Variants in AP4E1 observed in about 807,000 individuals in gnomAD.
The protein encoded by AP4E1 is AP-4 complex subunit epsilon-1.
Under a neutral mutation model 128.2 loss-of-function variants are expected in AP4E1, and 56 were observed. That is an observed-to-expected ratio of 0.44 (90% CI 0.35 to 0.55). The LOEUF (loss-of-function observed/expected upper bound fraction) is 0.55, where lower values mean the gene tolerates loss of function less well. AP4E1 is among the 20% of genes least tolerant of loss of function. The pLI is 0.00. For synonymous variants in AP4E1, 484 were observed against 473.1 expected (o/e 1.02, Z -0.30); for missense variants, 1,324 against 1,307.7 (o/e 1.01, Z -0.19).
At chr15:51,001,861 G>T (rs550123319) in intron 20 of AP4E1, among the ~76,000 whole-genome samples, 2 of 152,088 alleles carry the variant, frequency 1.3e-5, no homozygotes, top group East Asian at 3.9e-4. Context: ...GGAATTGGTG[G>T]ATTATATGAT....
At chr15:50,920,994 G>A (rs1423862575) in intron 3 of AP4E1, among the ~76,000 whole-genome samples, 1 of 151,588 alleles carries the variant, frequency 6.6e-6, no homozygotes. Flanking sequence ...GTAGAAACAG[G>A]GTTTTGCCAT....
At position 50,999,121 on chromosome 15, in the gene AP4E1, C is replaced by A. The variant is rs2064921960; in HGVS notation, c.2954C>A (p.Thr985Asn). 1 of 1,613,960 alleles carries A rather than the reference C, an allele frequency of 6.2e-7. No individual in the cohort carries two copies. Among genetic ancestry groups the A allele is most frequent in the East Asian group, 2.2e-5 (1 of 44,856 alleles). Reference protein sequence around the residue: ...CCLPVMEAESTKSFQYSVQIE... With the variant: ...CCLPVMEAESNKSFQYSVQIE... Reference sequence around the variant, plus strand: ...TTGCCTGTAATGGAAGCAGAAAGCACCAAAAGCTTTCAATATAGTGTGCAG... The same window carrying A: ...TTGCCTGTAATGGAAGCAGAAAGCAACAAAAGCTTTCAATATAGTGTGCAG... Residue 985 changes from threonine (T) to asparagine (N), a missense_variant, in exon 19 of 21, where the codon ACC (threonine) becomes AAC (asparagine). By Grantham distance (65) the Thr-to-Asn change is moderately conservative (BLOSUM62 0). Transcript: ENST00000261842.
At chr15:50,911,982 TA>T (rs1424921281) in intron 1 of AP4E1, 95 bp from the exon 2 acceptor site, 1 of 962,062 alleles carries the variant, frequency 1.0e-6, no homozygotes, top group Non-Finnish European at 1.6e-6. Flanking sequence ...TCTTTTAAAT[TA>T]AAAGTATTGT....
chr15:50,908,708 G>A lies in AP4E1; in HGVS notation c.-71G>A. On this transcript the variant is annotated 5_prime_UTR_variant, in exon 1 of 21. Coordinates refer to ENST00000261842, the MANE Select transcript of AP4E1 (RefSeq NM_007347.5). ...AGTGCCTACGGAGGCCGGGCCGGCA[G>A]CGGCGGCCGGGCATGAAGCCGGGCG... The A allele has an allele frequency of 2.9e-6, 4 of 1,397,242 alleles. No homozygotes were observed. The highest frequency in any genetic ancestry group is 1.7e-5 in the South Asian group (1 of 59,790). The allele number at this position is 1,397,242 out of a possible 1,614,324, so 86.6% of individuals were successfully genotyped here. A position where few individuals can be genotyped will look rare whatever the true frequency, so the allele number is the denominator to read the frequency against.
Position 50,993,405 on chromosome 15 carries a change from T to C in AP4E1, c.2126T>C (p.Leu709Ser). The change falls in exon 17 of 21, where the codon TTG becomes TCG. Residue 709 changes from leucine to serine, a missense_variant. Coordinates refer to ENST00000261842, the MANE Select transcript of AP4E1 (RefSeq NM_007347.5). ...TTGAAGCTGGAAGGTATAAAGAAAT[T>C]GTGGGGGAAAGAAGGCTATCTTCCC... The part of the protein sequence containing the change: ...NSLKLEGIKK[L>S]WGKEGYLPKK... 1 of 1,613,908 alleles carries C rather than the reference T, an allele frequency of 6.2e-7. No homozygotes were observed. Among genetic ancestry groups the C allele is most frequent in the East Asian group, 2.2e-5 (1 of 44,826 alleles).
At chr15:50,951,845 G>T (rs1018272219) in intron 13 of AP4E1, among the ~76,000 whole-genome samples, 19 of 150,534 alleles carry the variant, frequency 1.3e-4, no homozygotes, top group Non-Finnish European at 2.9e-5. Context: ...TCCTGTCTTG[G>T]CATCCCGAGT....
chr15:50,952,238 C>T (rs145296063), intron 13 of AP4E1, among the ~76,000 whole-genome samples: 1,840 of 151,774 alleles, frequency 0.012, 29 homozygotes, highest in African/African-American at 0.04. Context: ...ACACTGGGCG[C>T]GGTGGCTCAT....
intron 8 of AP4E1, among the ~76,000 whole-genome samples, chr15:50,940,889 A>T (rs2063976734): frequency 6.6e-6 from 1 of 152,184 alleles, no homozygotes; most frequent in Non-Finnish European, 1.5e-5. Context: ...TAGTTTGAAG[A>T]TTTATGAGTA....
At chr15:50,938,708 T>C (rs2063942853) in intron 8 of AP4E1, among the ~76,000 whole-genome samples, 1 of 152,092 alleles carries the variant, frequency 6.6e-6, no homozygotes, top group Non-Finnish European at 1.5e-5. Flanking sequence ...TCAGCGATAA[T>C]GAGGCCACTC....
rs779139742 is a variant in AP4E1, at chr15:50,941,540, C to G, written c.1042C>G (p.Pro348Ala). The G allele has an allele frequency of 6.2e-7, 1 of 1,612,796 alleles. No individual in the cohort carries two copies. Among genetic ancestry groups the G allele is most frequent in the Non-Finnish European group, 8.5e-7 (1 of 1,179,488 alleles). Reference sequence around the variant, plus strand: ...GTGCATTGGAAAATTTGTTCTGTCACCTAAAATAAATCTAAAATATTTAGG... The same window carrying G: ...GTGCATTGGAAAATTTGTTCTGTCAGCTAAAATAAATCTAAAATATTTAGG... ...AKCIGKFVLS[P>A]KINLKYLGLK... Residue 348 changes from proline to alanine, a missense_variant, in exon 9 of 21, where the codon CCT (proline) becomes GCT (alanine). Transcript: ENST00000261842.
chr15:50,932,269 G>T (rs578072365), intron 7 of AP4E1, among the ~76,000 whole-genome samples: 3 of 152,010 alleles, frequency 2.0e-5, no homozygotes, highest in African/African-American at 7.2e-5. Context: ...GTGAGCCACC[G>T]CCCCGGCCTC....
At chr15:50,922,933 A>G (rs1034357954) in intron 3 of AP4E1, among the ~76,000 whole-genome samples, 6 of 152,022 alleles carry the variant, frequency 3.9e-5, no homozygotes, top group Admixed American at 2.0e-4. Flanking sequence ...GCCCGCCACC[A>G]CGCCTGGCTA....
intron 15 of AP4E1, among the ~76,000 whole-genome samples, chr15:50,979,763 G>A (rs962262136): frequency 1.3e-5 from 2 of 152,052 alleles, no homozygotes; most frequent in African/African-American, 4.8e-5. Context: ...GACCTCAAAT[G>A]ATCTGCCCAC....
rs1050712737 is a variant in AP4E1, at chr15:51,000,067, G to A, written c.3095+805G>A. Among the ~76,000 whole-genome samples the A allele has an allele frequency of 1.1e-4, 16 of 151,000 alleles. No homozygotes were observed. In the South Asian group the frequency reaches 3.1e-3, roughly 30 times the overall value. On this transcript the variant is annotated intron_variant, in intron 19 of 20. Coordinates refer to ENST00000261842, the MANE Select transcript of AP4E1 (RefSeq NM_007347.5). ...TGAACCCAGAATGCAGAATACCGAT[G>A]AATATCTCTATATATTTTTTTAACC... is the stretch of plus-strand genomic sequence containing the variant.
In AP4E1 at chr15:50,948,107, G is replaced by A. The variant is rs184772079; in HGVS notation, c.1264G>A (p.Glu422Lys). 1.9e-6 allele frequency: 3 copies of A among 1,613,962 alleles called. No homozygotes were observed. The East Asian group carries it at 6.7e-5, about 36-fold the overall frequency. Residue 422 changes from glutamate (E) to lysine (K), a missense_variant, in exon 11 of 21, where the codon GAA (glutamate) becomes AAA (lysine). Glu to Lys is a moderately conservative substitution (Grantham distance 56). Transcript: ENST00000261842. ...GCTTGAATATTTACATCAGAGCAAA[G>A]AAGAGTATGTCATCGTCAATTTGGT... ...KMLEYLHQSK[E>K]EYVIVNLVGK...
At chr15:50,924,696 T>C (rs778562759) in intron 4 of AP4E1, among the ~76,000 whole-genome samples, 1 of 152,226 alleles carries the variant, frequency 6.6e-6, no homozygotes, top group Non-Finnish European at 1.5e-5. Context: ...GATAAGTACA[T>C]ATGAATGTGT....
chr15:50,948,100 G>C lies in AP4E1; in HGVS notation c.1257G>C (p.Gln419His). 1 of 1,613,840 alleles carries C rather than the reference G, an allele frequency of 6.2e-7. No individual in the cohort carries two copies. The change falls in exon 11 of 21, where the codon CAG becomes CAC. Residue 419 changes from glutamine to histidine, a missense_variant. Gln to His is a conservative substitution (Grantham distance 24). Transcript: ENST00000261842. ...IVQKMLEYLH[Q>H]SKEEYVIVNL... Reference sequence around the variant, plus strand: ...AGAAAATGCTTGAATATTTACATCAGAGCAAAGAAGAGTATGTCATCGTCA... The same window carrying C: ...AGAAAATGCTTGAATATTTACATCACAGCAAAGAAGAGTATGTCATCGTCA...
intron 16 of AP4E1, among the ~76,000 whole-genome samples, chr15:50,992,009 C>T (rs74542754): frequency 0.046 from 6,800 of 147,752 alleles, 508 homozygotes; most frequent in African/African-American, 0.16. Context: ...ATATAATTGC[C>T]AAATAAACAT....
At chr15:50,953,243 G>GT (rs920511062) in intron 13 of AP4E1, among the ~76,000 whole-genome samples, 6 of 151,864 alleles carry the variant, frequency 4.0e-5, no homozygotes, top group Admixed American at 6.6e-5. Context: ...GTGGCCATTA[G>GT]TTTTTTTTGT....
Sources: gnomAD v4.1 joint callset for allele counts (sites outside exome capture counted in the v4.1 genomes callset) on GRCh38, gnomAD v4.1.1 for gene constraint, MANE v1.5 for transcripts, NCBI Gene and HGNC (gene_info 2026-07-23, HGNC 2026-07-21) for gene names.